Variants in ZNF573 observed in about 807,000 individuals in gnomAD.
ZNF573 encodes the protein zinc finger protein 573.
In ZNF573, 41 loss-of-function variants were observed where a neutral mutation model predicts 57.4. The ratio of observed to expected loss-of-function variants is 0.71; its 90% CI spans 0.56 to 0.93. The LOEUF (loss-of-function observed/expected upper bound fraction) is 0.93, where lower values mean the gene tolerates loss of function less well. Ranked by LOEUF, ZNF573 falls within the 40% of genes least tolerant of loss-of-function variation. The probability of loss-of-function intolerance (pLI) is 0.00; values close to 1 mark genes in which losing one functional copy is unlikely to be tolerated. For synonymous variants in ZNF573, 249 were observed against 261.0 expected (o/e 0.95, Z 0.44); for missense variants, 730 against 794.8 (o/e 0.92, Z 0.98).
chr19:37,761,510 C>A (rs2045552930), intron 4 of ZNF573, among the ~76,000 whole-genome samples: 1 of 152,126 alleles, frequency 6.6e-6, no homozygotes, highest in South Asian at 2.1e-4. Context: ...ACTCATAAAA[C>A]CTAAAAATAT....
At chr19:37,762,652 A>G (rs1030158531) in intron 4 of ZNF573, among the ~76,000 whole-genome samples, 2 of 152,146 alleles carry the variant, frequency 1.3e-5, no homozygotes, top group Non-Finnish European at 2.9e-5. Context: ...AGATGAAGAG[A>G]ACACCATATT....
Position 37,739,166 on chromosome 19 carries a change from A to G in ZNF573, c.1324T>C (p.Phe442Leu). 6.2e-7 allele frequency: 1 copy of G among 1,613,158 alleles called. No homozygotes were observed. Among genetic ancestry groups the G allele is most frequent in the Non-Finnish European group, 8.5e-7 (1 of 1,179,776 alleles). ...GTTTTTTTACACTCCTTACATTCAA[A>G]GTGTTTCATGCCAGTATGAATTTTC... ...HQKIHTGMKHFECKECKKTFT... is the reference protein window; with the variant it reads ...HQKIHTGMKHLECKECKKTFT... The change falls in exon 5 of 5, where the codon TTT (phenylalanine) becomes CTT (leucine). Residue 442 changes from phenylalanine (F) to leucine (L), a missense_variant. Coordinates refer to ENST00000536220, the MANE Select transcript of ZNF573 (RefSeq NM_001172690.2).
intron 1 of ZNF573, among the ~76,000 whole-genome samples, chr19:37,778,192 C>T (rs1041797813): frequency 1.3e-5 from 2 of 150,678 alleles, no homozygotes; most frequent in Non-Finnish European, 3.0e-5. Context: ...TGTCATTTAG[C>T]ATATAAAATA....
In ZNF573 at chr19:37,752,041, T is replaced by C. The variant is rs549523147; in HGVS notation, c.296-11847A>G. ...TACCGTATATATACTGTATATAGTA[T>C]ATAGTACAGTATATAGACAGAAAGA... On this transcript the variant is annotated intron_variant, in intron 4 of 4. Transcript: ENST00000536220. Among the ~76,000 whole-genome samples, 89 of 149,582 alleles carry C rather than the reference T, an allele frequency of 5.9e-4. 1 individual carries two copies. Among genetic ancestry groups the C allele is most frequent in the Middle Eastern group, 3.5e-3 (1 of 286 alleles).
At position 37,777,948 on chromosome 19, in the gene ZNF573, C is replaced by T. The variant is rs572433715; in HGVS notation, c.-23+1596G>A. 4.4e-4 allele frequency among the ~76,000 whole-genome samples: 62 copies of T among 141,720 alleles called. 1 individual carries two copies. The highest frequency in any genetic ancestry group is 8.0e-4 in the Non-Finnish European group (53 of 66,512). 93.0% of individuals were successfully genotyped at this position (141,720 alleles called of 152,430 possible). A position where few individuals can be genotyped will look rare whatever the true frequency, so the allele number is the denominator to read the frequency against. Reference sequence around the variant, plus strand: ...CTGAGGCAGGAGAATGGCCTGAACCCGGGAGGCAGAGCTTGCAAGTGAGCC... The same window carrying T: ...CTGAGGCAGGAGAATGGCCTGAACCTGGGAGGCAGAGCTTGCAAGTGAGCC... On this transcript the variant is annotated intron_variant, in intron 1 of 4. Coordinates refer to ENST00000536220, the MANE Select transcript of ZNF573 (RefSeq NM_001172690.2).
At chr19:37,777,011 A>T (rs1456117345) in intron 1 of ZNF573, among the ~76,000 whole-genome samples, 2 of 152,228 alleles carry the variant, frequency 1.3e-5, no homozygotes, top group African/African-American at 4.8e-5. Flanking sequence ...GTTGTGGTGA[A>T]GAGAGAACAC....
In ZNF573 at chr19:37,739,921, T is replaced by A; in HGVS notation, c.569A>T (p.Tyr190Phe). 2.5e-6 allele frequency: 4 copies of A among 1,614,150 alleles called. No individual in the cohort carries two copies. The highest frequency in any genetic ancestry group is 3.4e-6 in the Non-Finnish European group (4 of 1,180,012). ...HQRFHTGEKP[Y>F]ECTECGKNFR... ...GTTCTTCCCACATTCTGTACATTCATAGGGTTTCTCACCAGTATGAAATCT... is the reference window on the plus strand; with the variant it reads ...GTTCTTCCCACATTCTGTACATTCAAAGGGTTTCTCACCAGTATGAAATCT... Residue 190 changes from tyrosine to phenylalanine, a missense_variant, in exon 5 of 5, where the codon TAT becomes TTT. Coordinates refer to ENST00000536220, the MANE Select transcript of ZNF573 (RefSeq NM_001172690.2).
At chr19:37,741,773 G>A (rs1423554701) in intron 4 of ZNF573, among the ~76,000 whole-genome samples, 1 of 152,132 alleles carries the variant, frequency 6.6e-6, no homozygotes, top group African/African-American at 2.4e-5. Flanking sequence ...TACAAGACAA[G>A]GATGCCCTCT....
rs772934975 is a variant in ZNF573, at chr19:37,739,643, A to G, written c.847T>C (p.Phe283Leu). The change falls in exon 5 of 5, where the codon TTT becomes CTT. Residue 283 changes from phenylalanine (F) to leucine (L), a missense_variant. Phe to Leu is a conservative substitution (Grantham distance 22). Coordinates refer to ENST00000536220, the MANE Select transcript of ZNF573 (RefSeq NM_001172690.2). ...PYKCKECGKT[F>L]SRRSNLVEHG... ...TCAACAAGATTTGAGCGCCTACTAA[A>G]AGTCTTCCCACATTCCTTACATTTA... 1.2e-6 allele frequency: 2 copies of G among 1,614,102 alleles called. No individual in the cohort carries two copies. Among genetic ancestry groups the G allele is most frequent in the East Asian group, 4.5e-5 (2 of 44,874 alleles).
At chr19:37,742,702 A>G (rs1016447067) in intron 4 of ZNF573, among the ~76,000 whole-genome samples, 10 of 152,212 alleles carry the variant, frequency 6.6e-5, no homozygotes, top group Non-Finnish European at 1.0e-4. Context: ...ACTTAACTGT[A>G]AAACCCAAAA....
At chr19:37,753,011 T>C (rs916384653) in intron 4 of ZNF573, among the ~76,000 whole-genome samples, 1 of 152,034 alleles carries the variant, frequency 6.6e-6, no homozygotes, top group African/African-American at 2.4e-5. Flanking sequence ...TCCTAACACT[T>C]TGGGACACTG....
At position 37,760,827 on chromosome 19, in the gene ZNF573, A is replaced by G. The variant is rs904584095; in HGVS notation, c.295+9178T>C. ...ACAGAGTAAGAGTCTGTCTGAAGAA[A>G]AAAAAAAAAATGTTTCCAGCTAATA... is the stretch of plus-strand genomic sequence containing the variant. On this transcript the variant is annotated intron_variant, in intron 4 of 4. Transcript: ENST00000536220. Among the ~76,000 whole-genome samples, 24 of 152,020 alleles carry G rather than the reference A, an allele frequency of 1.6e-4. 1 individual carries two copies. The highest frequency in any genetic ancestry group is 1.9e-4 in the African/African-American group (8 of 41,476).
In ZNF573 at chr19:37,739,545, G is replaced by A; in HGVS notation, c.945C>T (p.His315=). 2 of 1,612,676 alleles carry A rather than the reference G, an allele frequency of 1.2e-6. No individual in the cohort carries two copies. ...GAACTCTCTGATGTACAGTAAGCTG[G>A]TGACCTCTTCTAAAGGCCTTTCCAC... The part of the protein sequence containing the change: ...EKCGKAFRRG[H]QLTVHQRVHT... Residue 315 remains histidine (H), a synonymous_variant, in exon 5 of 5, where the codon CAC becomes CAT. Transcript: ENST00000536220.
chr19:37,752,227 T>C (rs2045445058), intron 4 of ZNF573, among the ~76,000 whole-genome samples: 1 of 152,188 alleles, frequency 6.6e-6, no homozygotes, highest in Non-Finnish European at 1.5e-5. Flanking sequence ...GGCATCTATC[T>C]ACCCTTTGTA....
chr19:37,764,868 G>T (rs1338245700), intron 4 of ZNF573, among the ~76,000 whole-genome samples: 2 of 150,088 alleles, frequency 1.3e-5, no homozygotes, highest in East Asian at 2.0e-4. Flanking sequence ...CTCCGAAAGT[G>T]CTCAGATTAC....
chr19:37,767,116 G>A (rs1222817036), intron 4 of ZNF573, among the ~76,000 whole-genome samples: 1 of 152,150 alleles, frequency 6.6e-6, no homozygotes, highest in African/African-American at 2.4e-5. Context: ...ACAACGTTGT[G>A]CAACCTTCTC....
intron 4 of ZNF573, among the ~76,000 whole-genome samples, chr19:37,763,028 C>T (rs556641599): frequency 1.5e-4 from 23 of 152,184 alleles, no homozygotes; most frequent in South Asian, 6.2e-4. Context: ...CTGCCTTGGC[C>T]TCCCAAAGTG....
intron 4 of ZNF573, among the ~76,000 whole-genome samples, chr19:37,747,981 C>T (rs960834871): frequency 4.6e-5 from 7 of 152,248 alleles, no homozygotes; most frequent in East Asian, 3.9e-4. Context: ...CCACCGCGCC[C>T]GGCTGTTACA....
chr19:37,750,635 C>G (rs995956490), intron 4 of ZNF573, among the ~76,000 whole-genome samples: 5 of 151,726 alleles, frequency 3.3e-5, no homozygotes, highest in Non-Finnish European at 7.4e-5. Context: ...AAAATTTTAG[C>G]AATTGTATAA....
Sources: gnomAD v4.1 joint callset for allele counts (sites outside exome capture counted in the v4.1 genomes callset) on GRCh38, gnomAD v4.1.1 for gene constraint, MANE v1.5 for transcripts, NCBI Gene and HGNC (gene_info 2026-07-23, HGNC 2026-07-21) for gene names.